Variants in FMN1 observed in about 807,000 individuals in gnomAD.
The protein encoded by FMN1 is formin-1.
In FMN1, 110 loss-of-function variants were observed where a neutral mutation model predicts 132.4. That is an observed-to-expected ratio of 0.83 (90% CI 0.71 to 0.97). The LOEUF is 0.97. Ranked by LOEUF, FMN1 falls within the 50% of genes least tolerant of loss-of-function variation. The pLI is 0.00. For synonymous variants in FMN1, 722 were observed against 651.7 expected, an observed-to-expected ratio of 1.11 and a Z score of -1.64; for missense variants, 1,792 against 1,705.3, an observed-to-expected ratio of 1.05 and a Z score of -0.90.
intron 6 of FMN1, among the ~76,000 whole-genome samples, chr15:33,038,571 A>C (rs1372537704): frequency 6.6e-6 from 1 of 152,194 alleles, no homozygotes; most frequent in Non-Finnish European, 1.5e-5. Context: ...TTACTTCTGG[A>C]CTGAGTTATA....
chr15:32,966,922 T>C (rs1366312520), intron 8 of FMN1, among the ~76,000 whole-genome samples: 1 of 152,136 alleles, frequency 6.6e-6, no homozygotes, highest in South Asian at 2.1e-4. Context: ...TGCTAATAGG[T>C]ACAAAAAGTT....
At position 32,973,455 on chromosome 15, in the gene FMN1, T is replaced by C. The variant is rs183133772; in HGVS notation, c.2224-3978A>G. Among the ~76,000 whole-genome samples, 8 of 152,296 alleles carry C rather than the reference T, an allele frequency of 5.3e-5. No individual in the cohort carries two copies. In the South Asian group the frequency reaches 8.3e-4, roughly 16 times the overall value. ...TCCTCACATACTGTATTCACTGATA[T>C]GGAGAATGACCAAATAAGAAGGAAA... On this transcript the variant is annotated intron_variant, in intron 7 of 20. Transcript: ENST00000616417.
Position 33,154,474 on chromosome 15 carries a change from AGGGCCCACGG to A in FMN1, c.431_440del (p.Pro144LeufsTer44). ...TCCCGTGGGTGCTCCTCTTATTGAG[AGGGCCCACGG>A]GGAGCTCTCCCTGCCAGTCACCAGC... is the stretch of plus-strand genomic sequence containing the variant. On this transcript the variant is annotated frameshift_variant, in exon 4 of 21. Transcript: ENST00000616417. LOFTEE classifies it high-confidence loss of function. 6.5e-7 allele frequency: 1 copy of A among 1,535,762 alleles called. No homozygotes were observed. Among genetic ancestry groups the A allele is most frequent in the Admixed American group, 2.0e-5 (1 of 50,982 alleles).
chr15:33,025,103 AG>A (rs2141034555), intron 6 of FMN1, among the ~76,000 whole-genome samples: 1 of 152,308 alleles, frequency 6.6e-6, no homozygotes, highest in Non-Finnish European at 1.5e-5. Context: ...TGGCTGGGGT[AG>A]GGCATATAGA....
chr15:33,041,923 T>C (rs1003400229), intron 6 of FMN1, among the ~76,000 whole-genome samples: 2 of 152,060 alleles, frequency 1.3e-5, no homozygotes, highest in African/African-American at 2.4e-5. Context: ...GTGTTTTTTT[T>C]CACCACAGCT....
intron 5 of FMN1, among the ~76,000 whole-genome samples, chr15:33,072,413 C>CT (rs1281199933): frequency 5.3e-5 from 8 of 152,230 alleles, no homozygotes; most frequent in Admixed American, 2.0e-4. Flanking sequence ...AGGGACAACT[C>CT]TAAGTCAAAG....
Position 33,024,296 on chromosome 15 carries a change from G to C in FMN1, c.2162-16221C>G, listed in dbSNP as rs1311734732. 7.3e-5 allele frequency among the ~76,000 whole-genome samples: 10 copies of C among 137,580 alleles called. No homozygotes were observed. In the Admixed American group the frequency reaches 7.9e-4, roughly 11 times the overall value. 90.3% of individuals were successfully genotyped at this position (137,580 alleles called of 152,430 possible). On this transcript the variant is annotated intron_variant, in intron 6 of 20. Transcript: ENST00000616417. The stretch of plus-strand genomic sequence containing the variant: ...GAGTCTCGCTCTGTCGCCCAGGCTG[G>C]AGTGCAGTGACGTGATCTCGGCTCA...
intron 17 of FMN1, among the ~76,000 whole-genome samples, chr15:32,853,939 C>G (rs546551005): frequency 6.6e-6 from 1 of 152,248 alleles, no homozygotes; most frequent in East Asian, 1.9e-4. Context: ...CTGAGGAAAG[C>G]CTACGGAACA....
intron 6 of FMN1, among the ~76,000 whole-genome samples, chr15:33,053,066 T>A (rs542483136): frequency 6.6e-6 from 1 of 152,052 alleles, no homozygotes; most frequent in Non-Finnish European, 1.5e-5. Flanking sequence ...TCCACTCTCA[T>A]CACCCTTCAA....
At chr15:33,019,123 T>C (rs892629436) in intron 6 of FMN1, among the ~76,000 whole-genome samples, 2 of 152,228 alleles carry the variant, frequency 1.3e-5, no homozygotes, top group East Asian at 3.9e-4. Context: ...TTGGTCCATT[T>C]TACAGAGAGC....
intron 19 of FMN1, 66 bp from the exon 20 acceptor site, chr15:32,776,985 A>G (rs2056441217): frequency 1.5e-5 from 15 of 986,694 alleles, no homozygotes; most frequent in Non-Finnish European, 2.2e-5. Context: ...AAAGGAAAGA[A>G]GAAAAGAGTT....
chr15:32,877,218 C>T (rs902981245), intron 16 of FMN1, among the ~76,000 whole-genome samples: 3 of 150,292 alleles, frequency 2.0e-5, no homozygotes, highest in Admixed American at 6.7e-5. Context: ...ACCCGGGAGG[C>T]GGAAGTTGCA....
intron 17 of FMN1, among the ~76,000 whole-genome samples, chr15:32,847,581 G>T (rs540505472): frequency 6.6e-6 from 1 of 152,130 alleles, no homozygotes; most frequent in Non-Finnish European, 1.5e-5. Flanking sequence ...AAGGCCGGGC[G>T]TGGTGGCTCA....
At chr15:33,032,453 T>C (rs1190741479) in intron 6 of FMN1, among the ~76,000 whole-genome samples, 1 of 152,256 alleles carries the variant, frequency 6.6e-6, no homozygotes, top group Non-Finnish European at 1.5e-5. Flanking sequence ...GTTAAGTGAA[T>C]TATTTTCTTC....
chr15:32,865,405 G>A (rs1475748838), intron 16 of FMN1, among the ~76,000 whole-genome samples: 2 of 152,156 alleles, frequency 1.3e-5, no homozygotes, highest in Non-Finnish European at 1.5e-5. Context: ...AATCTTAGGT[G>A]CAACTATGTC....
chr15:32,785,785 G>A (rs74011972), intron 19 of FMN1, among the ~76,000 whole-genome samples: 8,088 of 151,986 alleles, frequency 0.053, 375 homozygotes, highest in African/African-American at 0.11. Context: ...ATCACCGCTC[G>A]ACTCAGATCA....
chr15:33,142,871 G>A (rs747847759), intron 4 of FMN1, among the ~76,000 whole-genome samples: 7 of 152,162 alleles, frequency 4.6e-5, no homozygotes, highest in African/African-American at 7.2e-5. Context: ...GCTATAAAAT[G>A]TACCTTGGTT....
At chr15:33,052,607 G>A (rs781295568) in intron 6 of FMN1, among the ~76,000 whole-genome samples, 2 of 152,112 alleles carry the variant, frequency 1.3e-5, no homozygotes, top group African/African-American at 4.8e-5. Flanking sequence ...AGGTTTACAG[G>A]CTCAGCCCCA....
intron 4 of FMN1, among the ~76,000 whole-genome samples, chr15:33,102,310 G>A (rs1046246851): frequency 1.3e-5 from 2 of 152,088 alleles, no homozygotes; most frequent in Non-Finnish European, 2.9e-5. Context: ...AGCTATTGTT[G>A]AAATGAGAAG....
Sources: allele counts gnomAD v4.1 joint callset (sites outside exome capture counted in the v4.1 genomes callset), GRCh38; gene constraint gnomAD v4.1.1; transcripts MANE v1.5; gene names NCBI Gene and HGNC (gene_info 2026-07-23, HGNC 2026-07-21).